GRIA1: variants seen among roughly 807,000 people sequenced by gnomAD.
GRIA1 encodes glutamate receptor 1.
In GRIA1, 31 loss-of-function variants were observed where a neutral mutation model predicts 99.2. That is an observed-to-expected ratio of 0.31 (90% CI 0.23 to 0.42). The LOEUF (loss-of-function observed/expected upper bound fraction) is 0.42. Ranked by LOEUF, GRIA1 falls within the 10% of genes least tolerant of loss-of-function variation. GRIA1 has a pLI of 1.00. For missense variants in GRIA1, 782 were observed against 1,157.5 expected, an observed-to-expected ratio of 0.68 and a Z score of 4.71; for synonymous variants, 438 against 432.4, an observed-to-expected ratio of 1.01 and a Z score of -0.16.
intron 15 of GRIA1, among the ~76,000 whole-genome samples, chr5:153,805,647 G>A (rs1290899814): frequency 3.3e-5 from 5 of 152,154 alleles, no homozygotes; most frequent in African/African-American, 1.2e-4. Context: ...CCAGGTGGTG[G>A]TGCCAGAGTG....
chr5:153,754,845 G>C (rs1388609249), intron 11 of GRIA1, among the ~76,000 whole-genome samples: 1 of 152,188 alleles, frequency 6.6e-6, no homozygotes, highest in Non-Finnish European at 1.5e-5. Flanking sequence ...AGAACTAAAA[G>C]ATTCCTTTGC....
intron 2 of GRIA1, among the ~76,000 whole-genome samples, chr5:153,544,440 A>T (rs974194088): frequency 2.0e-5 from 3 of 152,204 alleles, no homozygotes; most frequent in African/African-American, 7.2e-5. Context: ...AAGACAAAGG[A>T]AAGTCAGGGA....
intron 11 of GRIA1, among the ~76,000 whole-genome samples, chr5:153,746,695 T>G (rs749884703): frequency 1.3e-5 from 2 of 152,174 alleles, no homozygotes; most frequent in African/African-American, 4.8e-5. Context: ...AGAAACCATA[T>G]GTTTTGGTAT....
At chr5:153,646,651 T>G (rs1449199384) in intron 2 of GRIA1, among the ~76,000 whole-genome samples, 1 of 152,182 alleles carries the variant, frequency 6.6e-6, no homozygotes, top group African/African-American at 2.4e-5. Flanking sequence ...TTCTAATAGA[T>G]ATCTAATAAA....
intron 3 of GRIA1, among the ~76,000 whole-genome samples, chr5:153,649,433 T>C (rs927767356): frequency 2.9e-5 from 3 of 103,904 alleles, no homozygotes; most frequent in Admixed American, 2.7e-4. Context: ...CACATTTTAT[T>C]TATTTATTTA....
chr5:153,535,072 T>C (rs552099216), intron 2 of GRIA1, among the ~76,000 whole-genome samples: 88 of 152,132 alleles, frequency 5.8e-4, no homozygotes, highest in African/African-American at 2.0e-3. Flanking sequence ...CAGGCATGCA[T>C]CACCATGCCT....
chr5:153,682,510 C>T (rs116825703), intron 7 of GRIA1, among the ~76,000 whole-genome samples: 2,017 of 152,266 alleles, frequency 0.013, 14 homozygotes, highest in Non-Finnish European at 0.019. Context: ...CTGTCCACCA[C>T]GTCCACCCTC....
At chr5:153,592,545 A>G (rs1418680845) in intron 2 of GRIA1, among the ~76,000 whole-genome samples, 1 of 152,226 alleles carries the variant, frequency 6.6e-6, no homozygotes, top group East Asian at 1.9e-4. Flanking sequence ...TAAATAATGC[A>G]TGTATAACTT....
intron 2 of GRIA1, among the ~76,000 whole-genome samples, chr5:153,615,139 A>T (rs999565872): frequency 6.6e-6 from 1 of 152,238 alleles, no homozygotes; most frequent in African/African-American, 2.4e-5. Flanking sequence ...CATGTGGAAC[A>T]GTTCCTAGCA....
intron 2 of GRIA1, among the ~76,000 whole-genome samples, chr5:153,548,880 T>C (rs1759856500): frequency 6.6e-6 from 1 of 152,192 alleles, no homozygotes; most frequent in South Asian, 2.1e-4. Flanking sequence ...TGTTATTATA[T>C]TATGAGCATC....
At chr5:153,735,492 C>CAATT (rs1417463484) in intron 11 of GRIA1, among the ~76,000 whole-genome samples, 1 of 152,080 alleles carries the variant, frequency 6.6e-6, no homozygotes, top group Non-Finnish European at 1.5e-5. Context: ...TGCAAATAAC[C>CAATT]AATTAGGTCA....
chr5:153,492,159 G>C lies in GRIA1; in HGVS notation c.82+1189G>C, dbSNP rs1338378388. ...TGTGCTCTTTTGTGAGTGTGTGTTT[G>C]AGGGGGGATGTGGTGCAATTGATAT... On this transcript the variant is annotated intron_variant, in intron 1 of 15. Transcript: ENST00000285900. 7 of 1,493,008 alleles carry C rather than the reference G, an allele frequency of 4.7e-6. No homozygotes were observed. In the Admixed American group the frequency reaches 1.4e-4, roughly 31 times the overall value. The allele number at this position is 1,493,008 out of a possible 1,614,324, so 92.5% of individuals were successfully genotyped here. A position where few individuals can be genotyped will look rare whatever the true frequency, so the allele number is the denominator to read the frequency against.
Position 153,644,754 on chromosome 5 carries a change from C to T in GRIA1, c.221-2174C>T, listed in dbSNP as rs920071660. Among the ~76,000 whole-genome samples, 3 of 151,768 alleles carry T rather than the reference C, an allele frequency of 2.0e-5. No individual in the cohort carries two copies. In the South Asian group the frequency reaches 6.2e-4, roughly 32 times the overall value. On this transcript the variant is annotated intron_variant, in intron 2 of 15. Coordinates refer to ENST00000285900, the MANE Select transcript of GRIA1 (RefSeq NM_000827.4). ...CAGAGAGGTGAGATTTGGGCTGAGG[C>T]ACAACTGCTACAAAGGAGTGATGTT...
intron 11 of GRIA1, among the ~76,000 whole-genome samples, chr5:153,728,688 C>T (rs1472098461): frequency 1.0e-5 from 1 of 98,018 alleles, no homozygotes; most frequent in African/African-American, 4.3e-5. Context: ...AATGAGATAC[C>T]ATCTCACACC....
At chr5:153,719,589 C>A (rs113576140) in intron 11 of GRIA1, among the ~76,000 whole-genome samples, 1 of 151,960 alleles carries the variant, frequency 6.6e-6, no homozygotes, top group African/African-American at 2.4e-5. Context: ...GTTCCAAGAA[C>A]AAGTGTCCCA....
At chr5:153,490,183 C>T (rs922614565), upstream of GRIA1, 3 of 206,142 alleles carry the variant, frequency 1.5e-5, no homozygotes, top group Non-Finnish European at 2.0e-5. Context: ...ATATATCCAG[C>T]GCAGCCCATG....
chr5:153,713,387 G>A (rs990677296), intron 11 of GRIA1, among the ~76,000 whole-genome samples: 14 of 152,266 alleles, frequency 9.2e-5, no homozygotes, highest in Admixed American at 9.2e-4. Context: ...CAGGTGTGAA[G>A]TGTGCATGGA....
chr5:153,709,171 G>A (rs1224048655), intron 11 of GRIA1, among the ~76,000 whole-genome samples: 2 of 152,190 alleles, frequency 1.3e-5, no homozygotes, highest in Non-Finnish European at 2.9e-5. Context: ...TATATTTCCT[G>A]ATGAAGTCAG....
chr5:153,803,099 C>T (rs952624686), intron 15 of GRIA1, among the ~76,000 whole-genome samples: 5 of 152,156 alleles, frequency 3.3e-5, no homozygotes, highest in Non-Finnish European at 1.5e-5. Flanking sequence ...AGAAAACAGG[C>T]TAGTTCTATG....
Sources: gnomAD v4.1 joint callset for allele counts (sites outside exome capture counted in the v4.1 genomes callset) on GRCh38, gnomAD v4.1.1 for gene constraint, MANE v1.5 for transcripts, NCBI Gene and HGNC (gene_info 2026-07-23, HGNC 2026-07-21) for gene names.